The following NTN1 variants were observed in gnomAD, a reference collection of about 807,000 sequenced individuals.
NTN1 encodes netrin 1.
Under a neutral mutation model 54.2 loss-of-function variants are expected in NTN1, and 11 were observed. That is an observed-to-expected ratio of 0.20 (90% confidence interval 0.13 to 0.34). The LOEUF (loss-of-function observed/expected upper bound fraction) is 0.34. NTN1 is among the 10% of genes least tolerant of loss of function. NTN1 has a pLI of 1.00. For synonymous variants in NTN1, 371 were observed against 382.0 expected, an observed-to-expected ratio of 0.97 and a Z score of 0.33; for missense variants, 740 against 893.1, an observed-to-expected ratio of 0.83 and a Z score of 2.18.
At chr17:9,004,582 G>A in the NTN1 span, among the ~76,000 whole-genome samples, 1 of 152,208 alleles carries the variant, frequency 6.6e-6, no homozygotes, top group African/African-American at 2.4e-5. Context: ...CCAGCCCACT[G>A]GTGCAGCGGG....
At chr17:9,112,362 C>T (rs1303845771) in intron 2 of NTN1, among the ~76,000 whole-genome samples, 1 of 152,196 alleles carries the variant, frequency 6.6e-6, no homozygotes, top group Non-Finnish European at 1.5e-5. Context: ...AATAAATACT[C>T]AGGGCCCTTT....
chr17:9,115,213 G>A (rs1414005512), intron 2 of NTN1, among the ~76,000 whole-genome samples: 3 of 152,202 alleles, frequency 2.0e-5, no homozygotes, highest in Non-Finnish European at 2.9e-5. Context: ...CATTCATTTG[G>A]GTGGGCCAGA....
intron 2 of NTN1, among the ~76,000 whole-genome samples, chr17:9,044,159 G>A (rs528771857): frequency 6.6e-6 from 1 of 151,702 alleles, no homozygotes; most frequent in Non-Finnish European, 1.5e-5. Context: ...TTTATGAATT[G>A]GGTTTTCATC....
upstream of NTN1, among the ~76,000 whole-genome samples, chr17:9,019,779 A>C (rs1261117343): frequency 2.0e-5 from 3 of 152,230 alleles, no homozygotes; most frequent in African/African-American, 7.2e-5. Context: ...TTGCGATTTC[A>C]CAGGTCACCA....
intron 4 of NTN1, among the ~76,000 whole-genome samples, chr17:9,182,633 C>T (rs2092421822): frequency 6.6e-6 from 1 of 152,194 alleles, no homozygotes; most frequent in Admixed American, 6.5e-5. Context: ...ACGCCAGGCC[C>T]AGGGGGTGGG....
At position 9,243,884 on chromosome 17, in the gene NTN1, TTTTG is replaced by T. The variant is rs1906319171; in HGVS notation, c.*3917_*3920del. On this transcript the variant is annotated 3_prime_UTR_variant, in exon 7 of 7. Coordinates refer to ENST00000173229, the MANE Select transcript of NTN1 (RefSeq NM_004822.3). The stretch of plus-strand genomic sequence containing the variant: ...TTGTGGATTTTCTTTCTTTCCTTTT[TTTTG>T]GGGGGGGGTGGGGGGTTGGTTAGAG... 3 of 134,156 alleles carry T rather than the reference TTTTG, an allele frequency of 2.2e-5. No individual in the cohort carries two copies. Among genetic ancestry groups the T allele is most frequent in the African/African-American group, 8.6e-5 (3 of 35,040 alleles). The allele number at this position is 134,156 out of a possible 1,614,324, so 8.3% of individuals were successfully genotyped here.
At chr17:9,161,664 G>C (rs2092357337) in intron 2 of NTN1, among the ~76,000 whole-genome samples, 1 of 152,130 alleles carries the variant, frequency 6.6e-6, no homozygotes, top group Non-Finnish European at 1.5e-5. Context: ...TGTAATCCCA[G>C]CTACTTAGGA....
intron 2 of NTN1, among the ~76,000 whole-genome samples, chr17:9,133,064 C>T (rs2092270520): frequency 6.6e-6 from 1 of 152,024 alleles, no homozygotes; most frequent in Admixed American, 6.6e-5. Context: ...TCCCCTCCAC[C>T]TTAACGGCTG....
At chr17:9,136,219 A>G (rs1237128219) in intron 2 of NTN1, among the ~76,000 whole-genome samples, 1 of 152,228 alleles carries the variant, frequency 6.6e-6, no homozygotes, top group Admixed American at 6.5e-5. Flanking sequence ...AACCAAACGG[A>G]GCCTAGCTTT....
At chr17:9,051,745 T>A (rs1432264268) in intron 2 of NTN1, among the ~76,000 whole-genome samples, 4 of 152,224 alleles carry the variant, frequency 2.6e-5, no homozygotes, top group Non-Finnish European at 5.9e-5. Context: ...ACATTCTTGT[T>A]AGTTATAGTC....
Position 9,022,843 on chromosome 17 carries a change from A to G in NTN1, c.470A>G (p.Glu157Gly). 5.0e-6 allele frequency: 8 copies of G among 1,611,196 alleles called. No individual in the cohort carries two copies. The highest frequency in any genetic ancestry group is 6.8e-6 in the Non-Finnish European group (8 of 1,179,426). The change falls in exon 2 of 7, where the codon GAG (glutamate) becomes GGG (glycine). Residue 157 changes from glutamate (E) to glycine (G), a missense_variant. Physicochemically the swap from Glu to Gly is moderately conservative, Grantham distance 98 (BLOSUM62 -2). Coordinates refer to ENST00000173229, the MANE Select transcript of NTN1 (RefSeq NM_004822.3). ...CTGCAGTTCTGCTCGCCGCGGCCCGAGTCCATGGCCATCTACAAGTCCATG... is the reference window on the plus strand; with the variant it reads ...CTGCAGTTCTGCTCGCCGCGGCCCGGGTCCATGGCCATCTACAAGTCCATG... ...VSLQFCSPRPESMAIYKSMDY... is the reference protein window; with the variant it reads ...VSLQFCSPRPGSMAIYKSMDY...
chr17:9,141,517 A>G (rs1489559339), intron 2 of NTN1, among the ~76,000 whole-genome samples: 1 of 152,120 alleles, frequency 6.6e-6, no homozygotes, highest in African/African-American at 2.4e-5. Flanking sequence ...TGGTGGGATA[A>G]CAGGGCAAAG....
intron 5 of NTN1, among the ~76,000 whole-genome samples, chr17:9,190,698 A>G (rs182141524): frequency 4.6e-5 from 7 of 152,322 alleles, no homozygotes; most frequent in African/African-American, 1.4e-4. Context: ...CTAAAAATAC[A>G]AAAATGAGCT....
rs568925369 is a variant in NTN1 at position 9,077,709 on chromosome 17, T to A, written c.1018+54318T>A. On this transcript the variant is annotated intron_variant, in intron 2 of 6. Coordinates refer to ENST00000173229, the MANE Select transcript of NTN1 (RefSeq NM_004822.3). ...ATATCCAGGAAAATTGGAAAGGTGATGGAGAGGTCATTGGAAGAAACTTCA... is the reference window on the plus strand; with the variant it reads ...ATATCCAGGAAAATTGGAAAGGTGAAGGAGAGGTCATTGGAAGAAACTTCA... Among the ~76,000 whole-genome samples the A allele has an allele frequency of 1.6e-4, 24 of 152,282 alleles. No individual in the cohort carries two copies. The South Asian group carries it at 5.0e-3, about 32-fold the overall frequency.
chr17:9,179,598 C>T (rs1384384054), intron 3 of NTN1, among the ~76,000 whole-genome samples: 1 of 152,152 alleles, frequency 6.6e-6, no homozygotes, highest in Non-Finnish European at 1.5e-5. Context: ...CAGGTCGGTC[C>T]ATTTTGGTTT....
intron 2 of NTN1, among the ~76,000 whole-genome samples, chr17:9,098,085 C>A (rs1284901961): frequency 2.0e-5 from 3 of 152,136 alleles, no homozygotes; most frequent in Admixed American, 6.5e-5. Context: ...GGACTTCCTA[C>A]CGTTATCATG....
intron 2 of NTN1, among the ~76,000 whole-genome samples, chr17:9,114,017 C>T (rs2092200983): frequency 6.6e-6 from 1 of 150,740 alleles, no homozygotes; most frequent in African/African-American, 2.4e-5. Context: ...CAAAAATTAG[C>T]CGGGCATGGT....
In NTN1 at chr17:9,242,225, G is replaced by GGT. The variant is rs1211541716; in HGVS notation, c.*2259_*2260dup. 1.5e-4 allele frequency: 23 copies of GGT among 152,516 alleles called. 1 individual carries two copies. The highest frequency in any genetic ancestry group is 5.0e-4 in the African/African-American group (21 of 41,586). The allele number at this position is 152,516 out of a possible 1,614,324, so 9.4% of individuals were successfully genotyped here. A position where few individuals can be genotyped will look rare whatever the true frequency, so the allele number is the denominator to read the frequency against. On this transcript the variant is annotated 3_prime_UTR_variant, in exon 7 of 7. Coordinates refer to ENST00000173229, the MANE Select transcript of NTN1 (RefSeq NM_004822.3). The stretch of plus-strand genomic sequence containing the variant: ...AGAGACTCCAGGAGAGACTGGCAGA[G>GGT]GTGCCTCAGGGGCAGGGAGCAGACA...
chr17:9,080,555 A>C (rs2092067258), intron 2 of NTN1, among the ~76,000 whole-genome samples: 2 of 152,228 alleles, frequency 1.3e-5, no homozygotes, highest in Non-Finnish European at 2.9e-5. Context: ...AATCCTTGGA[A>C]TCTTCAAAGG....
Sources: gnomAD v4.1 joint callset for allele counts (sites outside exome capture counted in the v4.1 genomes callset) on GRCh38, gnomAD v4.1.1 for gene constraint, MANE v1.5 for transcripts, NCBI Gene and HGNC (gene_info 2026-07-23, HGNC 2026-07-21) for gene names.